The following AGBL1 variants were observed in gnomAD, a reference collection of about 807,000 sequenced individuals.
AGBL1 encodes AGBL carboxypeptidase 1.
AGBL1 carries 130 observed loss-of-function variants against 118.9 expected under a neutral mutation model. That is an observed-to-expected ratio of 1.09 (90% CI 0.95 to 1.26). The LOEUF is 1.26. Ranked by LOEUF, AGBL1 falls within the 50% of genes most tolerant of loss-of-function variation. The probability of loss-of-function intolerance (pLI) is 0.00; values close to 1 mark genes in which losing one functional copy is unlikely to be tolerated. For missense variants in AGBL1, 1,584 were observed against 1,298.1 expected (o/e 1.22, Z -3.38); for synonymous variants, 555 against 478.9 (o/e 1.16, Z -2.08).
At chr15:86,176,381 C>A (rs2077481931) in intron 5 of AGBL1, among the ~76,000 whole-genome samples, 1 of 152,208 alleles carries the variant, frequency 6.6e-6, no homozygotes, top group South Asian at 2.1e-4. Context: ...AAAGCACATG[C>A]ATGTGCAGAG....
intron 22 of AGBL1, among the ~76,000 whole-genome samples, chr15:86,768,566 A>C (rs542202988): frequency 6.6e-6 from 1 of 151,974 alleles, no homozygotes; most frequent in South Asian, 2.1e-4. Context: ...TGACCTTTGC[A>C]TGCCTCATTT....
Position 86,546,087 on chromosome 15 carries a change from C to G in AGBL1, c.2771C>G (p.Ala924Gly). The G allele has an allele frequency of 6.2e-7, 1 of 1,613,450 alleles. No individual in the cohort carries two copies. The highest frequency in any genetic ancestry group is 8.5e-7 in the Non-Finnish European group (1 of 1,179,598). Residue 924 changes from alanine to glycine, a missense_variant, in exon 20 of 23, where the codon GCA (alanine) becomes GGA (glycine). Ala to Gly is a moderately conservative substitution (Grantham distance 60). Transcript: ENST00000614907. ...CSIKETLWQA[A>G]CTVGTSTILE... ...ATCAAGGAAACCTTGTGGCAAGCAG[C>G]ATGCACTGTGGGCACATCTACTATC...
chr15:86,575,352 T>G (rs1489814508), intron 21 of AGBL1, among the ~76,000 whole-genome samples: 1 of 150,140 alleles, frequency 6.7e-6, no homozygotes, highest in Admixed American at 6.6e-5. Flanking sequence ...ATCAAAAAAT[T>G]AGCTAGGTGT....
In AGBL1 at chr15:86,736,062, G is replaced by A. The variant is rs115791014; in HGVS notation, c.3158+61626G>A. The stretch of plus-strand genomic sequence containing the variant: ...CTATGACCTCAAAGAGCTCAGCATT[G>A]CAAAGGAGATAAATATTATGAATAA... On this transcript the variant is annotated intron_variant, in intron 22 of 22. Transcript: ENST00000614907. Among the ~76,000 whole-genome samples the A allele has an allele frequency of 4.8e-3, 730 of 152,178 alleles. 2 individuals carry two copies. The highest frequency in any genetic ancestry group is 0.015 in the African/African-American group (620 of 41,520).
chr15:86,330,994 G>A (rs915486574), intron 17 of AGBL1, among the ~76,000 whole-genome samples: 13 of 152,130 alleles, frequency 8.5e-5, no homozygotes, highest in African/African-American at 2.9e-4. Flanking sequence ...GGGAGGCCAA[G>A]GCAGGTGGAT....
chr15:87,021,473 A>G (rs954758463), intron 24 of AGBL1, among the ~76,000 whole-genome samples: 5 of 150,454 alleles, frequency 3.3e-5, no homozygotes, highest in African/African-American at 1.2e-4. Flanking sequence ...AGCAATTGCA[A>G]CAGAAGCAAA....
chr15:86,871,202 G>C (rs2079723157), intron 22 of AGBL1, among the ~76,000 whole-genome samples: 1 of 152,126 alleles, frequency 6.6e-6, no homozygotes, highest in African/African-American at 2.4e-5. Flanking sequence ...GAACAGAAAG[G>C]AAATTGTCTC....
chr15:86,227,664 A>C (rs139537646), intron 6 of AGBL1, among the ~76,000 whole-genome samples: 97 of 152,362 alleles, frequency 6.4e-4, no homozygotes, highest in Middle Eastern at 6.8e-3. Flanking sequence ...GCTCATTCAA[A>C]GTTTCAAAAG....
chr15:86,672,630 T>C (rs889108998), intron 21 of AGBL1, among the ~76,000 whole-genome samples: 1 of 152,114 alleles, frequency 6.6e-6, no homozygotes, highest in African/African-American at 2.4e-5. Flanking sequence ...CATTCTAGAA[T>C]TGTATAAAAG....
At chr15:86,275,058 C>T (rs1369701364) in intron 15 of AGBL1, among the ~76,000 whole-genome samples, 1 of 152,016 alleles carries the variant, frequency 6.6e-6, no homozygotes, top group Non-Finnish European at 1.5e-5. Flanking sequence ...AAGCAAGGGC[C>T]CTTTTAGTTT....
rs1005417628 is a variant in AGBL1 at position 86,941,977 on chromosome 15, T to G, written c.3222-46010T>G. The stretch of plus-strand genomic sequence containing the variant: ...AACAAGGCAGTAAAAAGGGTGATAT[T>G]GGAACTGAGAGGCAATGGATGAATA... On this transcript the variant is annotated intron_variant, in intron 23 of 24. Transcript: ENST00000441037. 4.6e-5 allele frequency among the ~76,000 whole-genome samples: 7 copies of G among 152,208 alleles called. No individual in the cohort carries two copies. In the East Asian group the frequency reaches 9.6e-4, roughly 21 times the overall value.
intron 17 of AGBL1, among the ~76,000 whole-genome samples, chr15:86,365,724 A>G (rs1443933252): frequency 6.6e-6 from 1 of 151,900 alleles, no homozygotes; most frequent in Non-Finnish European, 1.5e-5. Flanking sequence ...GCTTTCTAAG[A>G]ACCTTTAAGC....
At chr15:86,740,465 G>A (rs935148362) in intron 22 of AGBL1, among the ~76,000 whole-genome samples, 5 of 152,164 alleles carry the variant, frequency 3.3e-5, no homozygotes, top group Non-Finnish European at 5.9e-5. Context: ...GAGGGAAGGA[G>A]TAAAATTGGG....
chr15:86,717,017 GAATTAA>G (rs1442133359), intron 22 of AGBL1, among the ~76,000 whole-genome samples: 3 of 152,186 alleles, frequency 2.0e-5, no homozygotes, highest in Non-Finnish European at 4.4e-5. Flanking sequence ...AATATTTTGT[GAATTAA>G]TCCACATGAA....
chr15:86,698,480 C>T (rs914822089), intron 22 of AGBL1, among the ~76,000 whole-genome samples: 15 of 151,984 alleles, frequency 9.9e-5, no homozygotes, highest in African/African-American at 3.6e-4. Flanking sequence ...GCTGCATACC[C>T]ACCTGCACCC....
chr15:86,703,638 A>G (rs1354375284), intron 22 of AGBL1, among the ~76,000 whole-genome samples: 1 of 152,122 alleles, frequency 6.6e-6, no homozygotes, highest in Non-Finnish European at 1.5e-5. Context: ...AGGTAACTGA[A>G]TCATGGGGAT....
intron 23 of AGBL1, among the ~76,000 whole-genome samples, chr15:86,933,740 G>T (rs1200162046): frequency 6.6e-6 from 1 of 152,138 alleles, no homozygotes; most frequent in Non-Finnish European, 1.5e-5. Context: ...TTCCTTCAAA[G>T]AATAGCTCTA....
chr15:86,516,573 G>A (rs1416261809), intron 18 of AGBL1, among the ~76,000 whole-genome samples: 2 of 152,178 alleles, frequency 1.3e-5, no homozygotes, highest in African/African-American at 4.8e-5. Flanking sequence ...GCCAAGGTGG[G>A]CAGATCACCT....
At chr15:86,761,325 A>C (rs559286929) in intron 22 of AGBL1, among the ~76,000 whole-genome samples, 1 of 152,108 alleles carries the variant, frequency 6.6e-6, no homozygotes, top group East Asian at 1.9e-4. Flanking sequence ...ACTCCAAAGT[A>C]AGGATTTAAT....
Sources: allele counts gnomAD v4.1 joint callset (sites outside exome capture counted in the v4.1 genomes callset), GRCh38; gene constraint gnomAD v4.1.1; transcripts MANE v1.5; gene names NCBI Gene and HGNC (gene_info 2026-07-23, HGNC 2026-07-21).